GOLM2: variants seen among roughly 807,000 people sequenced by gnomAD.
The protein encoded by GOLM2 is protein GOLM2.
A neutral mutation model predicts 55.9 loss-of-function variants in GOLM2; 26 were observed. The ratio of observed to expected loss-of-function variants is 0.47; its 90% confidence interval spans 0.34 to 0.65. The LOEUF (loss-of-function observed/expected upper bound fraction) is 0.65, where lower values mean the gene tolerates loss of function less well. Ranked by LOEUF, GOLM2 falls within the 30% of genes least tolerant of loss-of-function variation. GOLM2 has a pLI of 0.01. For synonymous variants in GOLM2, 165 were observed against 194.6 expected (o/e 0.85, Z 1.27); for missense variants, 486 against 531.8 (o/e 0.91, Z 0.85).
At chr15:44,330,514 GAAAA>G (rs764271493) in intron 3 of GOLM2, among the ~76,000 whole-genome samples, 1 of 72,356 alleles carries the variant, frequency 1.4e-5, no homozygotes. Context: ...ACTCCATCTG[GAAAA>G]AAAAAAAAAA....
At chr15:44,329,278 G>A (rs986048473) in intron 3 of GOLM2, among the ~76,000 whole-genome samples, 11 of 152,034 alleles carry the variant, frequency 7.2e-5, no homozygotes, top group African/African-American at 2.4e-4. Context: ...TAGCAATCAC[G>A]CCTTAAAACT....
chr15:44,329,397 T>A (rs938140079), intron 3 of GOLM2, among the ~76,000 whole-genome samples: 3 of 152,258 alleles, frequency 2.0e-5, no homozygotes, highest in Non-Finnish European at 4.4e-5. Flanking sequence ...CATTTCTGAC[T>A]TCTTACTCTT....
At chr15:44,379,905 G>A (rs1398546562) in intron 7 of GOLM2, 117 bp downstream of exon 7, 3 of 516,930 alleles carry the variant, frequency 5.8e-6, no homozygotes, top group African/African-American at 4.2e-5. Flanking sequence ...ATTCTTTGAG[G>A]TAATGTTATT....
chr15:44,357,942 A>G (rs1336974379), intron 6 of GOLM2, among the ~76,000 whole-genome samples: 4 of 152,228 alleles, frequency 2.6e-5, no homozygotes, highest in Non-Finnish European at 4.4e-5. Context: ...CATGGATAGG[A>G]AGACTCAGTA....
chr15:44,406,489 C>T (rs2079598204), intron 9 of GOLM2: 1 of 152,194 alleles, frequency 6.6e-6, no homozygotes, highest in Admixed American at 6.6e-5. Flanking sequence ...ACAATTTCTT[C>T]ATCTGTATGA....
At chr15:44,328,084 G>A (rs2078996943) in intron 2 of GOLM2, among the ~76,000 whole-genome samples, 1 of 152,076 alleles carries the variant, frequency 6.6e-6, no homozygotes, top group African/African-American at 2.4e-5. Flanking sequence ...TTTTTGTATT[G>A]TCTCCACAGC....
intron 8 of GOLM2, among the ~76,000 whole-genome samples, chr15:44,396,070 T>C (rs907903906): frequency 6.6e-6 from 1 of 152,084 alleles, no homozygotes; most frequent in African/African-American, 2.4e-5. Context: ...ATTTTAGCCA[T>C]GAGGCCAGGT....
At position 44,379,721 on chromosome 15, in the gene GOLM2, A is replaced by C. The variant is rs781712159; in HGVS notation, c.834A>C (p.Gln278His). The C allele has an allele frequency of 1.2e-6, 2 of 1,611,270 alleles. No individual in the cohort carries two copies. The highest frequency in any genetic ancestry group is 1.7e-6 in the Non-Finnish European group (2 of 1,178,370). Residue 278 changes from glutamine to histidine, a missense_variant, in exon 7 of 10, where the codon CAA becomes CAC. Physicochemically the swap from Gln to His is conservative, Grantham distance 24. Coordinates refer to ENST00000299957, the MANE Select transcript of GOLM2 (RefSeq NM_138423.4). ...ALRKPPISVSQHESHQAISHL... is the reference protein window; with the variant it reads ...ALRKPPISVSHHESHQAISHL... ...GGAAGCCTCCTATTTCAGTTTCTCAACATGAAAGTCATCAAGCAATCTCCC... is the reference window on the plus strand; with the variant it reads ...GGAAGCCTCCTATTTCAGTTTCTCACCATGAAAGTCATCAAGCAATCTCCC...
rs58317520 is a variant in GOLM2, at chr15:44,369,067, TTATATATATATATATATATATATATATA to T, written c.803-10600_803-10573del. On this transcript the variant is annotated intron_variant, in intron 6 of 9. Coordinates refer to ENST00000299957, the MANE Select transcript of GOLM2 (RefSeq NM_138423.4). Reference sequence around the variant, plus strand: ...AGATATATACATATAATAGGATATATTATATATATATATATATATATATATATATATATATATATATATATATATACCC... The same window carrying T: ...AGATATATACATATAATAGGATATATTATATATATATATATATATATACCC... Among the ~76,000 whole-genome samples the T allele has an allele frequency of 3.5e-3, 81 of 22,978 alleles. 3 individuals are homozygous for T. The highest frequency in any genetic ancestry group is 8.1e-3 in the African/African-American group (53 of 6,534). 15.1% of individuals were successfully genotyped at this position (22,978 alleles called of 152,430 possible).
chr15:44,371,449 A>G lies in GOLM2; in HGVS notation c.803-8241A>G, dbSNP rs919191270. On this transcript the variant is annotated intron_variant, in intron 6 of 9. Transcript: ENST00000299957. ...ACTCACAGACCATGTCTCAGGAGCC[A>G]TATGAGAACATAATTTTAAGTAGTA... is the stretch of plus-strand genomic sequence containing the variant. Among the ~76,000 whole-genome samples, 4 of 152,204 alleles carry G rather than the reference A, an allele frequency of 2.6e-5. No homozygotes were observed. The East Asian group carries it at 5.8e-4, about 22-fold the overall frequency.
rs71421830 is a variant in GOLM2, at chr15:44,295,917, T to TACACACACACACACACACACAC, written c.327+6571_327+6592dup. Among the ~76,000 whole-genome samples, 950 of 143,128 alleles carry TACACACACACACACACACACAC rather than the reference T, an allele frequency of 6.6e-3. 15 individuals are homozygous for TACACACACACACACACACACAC. Among genetic ancestry groups the TACACACACACACACACACACAC allele is most frequent in the African/African-American group, 0.024 (922 of 38,830 alleles). The allele number at this position is 143,128 out of a possible 152,430, so 93.9% of individuals were successfully genotyped here. Reference sequence around the variant, plus strand: ...TAGAACAAGGGAGATCCACCACACATACACACACACACACACACACACACA... The same window carrying TACACACACACACACACACACAC: ...TAGAACAAGGGAGATCCACCACACATACACACACACACACACACACACACACACACACACACACACACACACA... On this transcript the variant is annotated intron_variant, in intron 1 of 9. Coordinates refer to ENST00000299957, the MANE Select transcript of GOLM2 (RefSeq NM_138423.4).
At chr15:44,330,047 ACCACAGGTGC>A (rs2079011617) in intron 3 of GOLM2, among the ~76,000 whole-genome samples, 1 of 150,076 alleles carries the variant, frequency 6.7e-6, no homozygotes, top group African/African-American at 2.4e-5. Context: ...AGTAGCTGGG[ACCACAGGTGC>A]CCGCCACCAC....
At chr15:44,373,646 CAGGAGGTTA>C (rs942410165) in intron 6 of GOLM2, among the ~76,000 whole-genome samples, 4 of 151,566 alleles carry the variant, frequency 2.6e-5, no homozygotes, top group African/African-American at 9.7e-5. Flanking sequence ...TCCAGCTTCT[CAGGAGGTTA>C]AGGCAAGAGA....
Position 44,317,572 on chromosome 15 carries a change from A to G in GOLM2, c.328-5393A>G, listed in dbSNP as rs968982476. ...AGTGAGCAAACTGATCAAATACTGT[A>G]GTTGTTGGTGTCAGGTTTTTTTTGC... On this transcript the variant is annotated intron_variant, in intron 1 of 9. Transcript: ENST00000299957. Among the ~76,000 whole-genome samples, 11 of 152,278 alleles carry G rather than the reference A, an allele frequency of 7.2e-5. 1 individual carries two copies. The highest frequency in any genetic ancestry group is 6.2e-4 in the South Asian group (3 of 4,818).
chr15:44,312,592 T>C (rs891307210), intron 1 of GOLM2, among the ~76,000 whole-genome samples: 1 of 152,180 alleles, frequency 6.6e-6, no homozygotes, highest in Non-Finnish European at 1.5e-5. Context: ...GTAGAATTAG[T>C]AATCCAGTCC....
At chr15:44,297,710 C>T (rs1365875790) in intron 1 of GOLM2, among the ~76,000 whole-genome samples, 1 of 150,502 alleles carries the variant, frequency 6.6e-6, no homozygotes, top group African/African-American at 2.4e-5. Context: ...TACAGGCACC[C>T]GCCACCAGGC....
At chr15:44,318,370 A>C (rs1185013364) in intron 1 of GOLM2, among the ~76,000 whole-genome samples, 2 of 152,046 alleles carry the variant, frequency 1.3e-5, no homozygotes, top group African/African-American at 2.4e-5. Context: ...CATCTTGCCC[A>C]CTCTGGTCTA....
In GOLM2 at chr15:44,347,911, C is replaced by T. The variant is rs75777765; in HGVS notation, c.802+9594C>T. ...GGTACCAAGTAGAGTTGTGAGACCC[C>T]TATTCCAGGCCCTAGATGCCTATAG... On this transcript the variant is annotated intron_variant, in intron 6 of 9. Coordinates refer to ENST00000299957, the MANE Select transcript of GOLM2 (RefSeq NM_138423.4). Among the ~76,000 whole-genome samples, 492 of 152,270 alleles carry T rather than the reference C, an allele frequency of 3.2e-3. 5 individuals carry two copies. The highest frequency in any genetic ancestry group is 0.011 in the African/African-American group (447 of 41,550).
At chr15:44,363,262 C>A (rs1470068433) in intron 6 of GOLM2, among the ~76,000 whole-genome samples, 1 of 151,852 alleles carries the variant, frequency 6.6e-6, no homozygotes, top group African/African-American at 2.4e-5. Context: ...AGGCAACCCA[C>A]AAAATGGGAA....
Sources: allele counts gnomAD v4.1 joint callset (sites outside exome capture counted in the v4.1 genomes callset), GRCh38; gene constraint gnomAD v4.1.1; transcripts MANE v1.5; gene names NCBI Gene and HGNC (gene_info 2026-07-23, HGNC 2026-07-21).